Variants in SCAPER observed in about 807,000 individuals in gnomAD.
The protein encoded by SCAPER is S phase cyclin A-associated protein in the endoplasmic reticulum.
SCAPER carries 98 observed loss-of-function variants against 182.2 expected under a neutral mutation model. The observed-to-expected ratio is 0.54, with a 90% CI of 0.46 to 0.64. The LOEUF is 0.64. Among genes scored for constraint, SCAPER ranks in the 30% least tolerant of loss-of-function variants. SCAPER has a pLI of 0.00. For synonymous variants in SCAPER, 605 were observed against 564.6 expected (o/e 1.07, Z -1.01); for missense variants, 1,432 against 1,690.0 (o/e 0.85, Z 2.68).
chr15:76,674,752 C>T (rs1431685790), intron 20 of SCAPER, among the ~76,000 whole-genome samples: 1 of 152,150 alleles, frequency 6.6e-6, no homozygotes, highest in Non-Finnish European at 1.5e-5. Flanking sequence ...TTCTTAAAAT[C>T]ACTGTATTTT....
intron 24 of SCAPER, among the ~76,000 whole-genome samples, chr15:76,498,907 ATT>A (rs2143655727): frequency 6.6e-6 from 1 of 152,288 alleles, no homozygotes; most frequent in South Asian, 2.1e-4. Context: ...GGTAGCATGG[ATT>A]TACTATAGGC....
chr15:76,820,303 G>A lies in SCAPER; in HGVS notation c.394-15670C>T, dbSNP rs572839507. Reference sequence around the variant, plus strand: ...ACACATGCACATGTATGTTTATTGCGGCACTATTCACAATAGCAAAGACTT... The same window carrying A: ...ACACATGCACATGTATGTTTATTGCAGCACTATTCACAATAGCAAAGACTT... On this transcript the variant is annotated intron_variant, in intron 5 of 31. Coordinates refer to ENST00000563290, the MANE Select transcript of SCAPER (RefSeq NM_020843.4). Among the ~76,000 whole-genome samples, 621 of 151,906 alleles carry A rather than the reference G, an allele frequency of 4.1e-3. 2 individuals are homozygous for A. The highest frequency in any genetic ancestry group is 4.9e-3 in the Non-Finnish European group (336 of 67,962).
chr15:76,855,457 C>CAAAAAAAAAAAA (rs34226154), intron 4 of SCAPER, among the ~76,000 whole-genome samples: 2 of 116,326 alleles, frequency 1.7e-5, no homozygotes, highest in African/African-American at 3.7e-5. Context: ...TTCTGCACAG[C>CAAAAAAAAAAAA]AAAAAAAAAA....
At chr15:76,378,992 CT>C (rs1463490584) in intron 28 of SCAPER, among the ~76,000 whole-genome samples, 3 of 152,174 alleles carry the variant, frequency 2.0e-5, no homozygotes, top group Non-Finnish European at 4.4e-5. Flanking sequence ...ACCATTTCCA[CT>C]GTGATAAGCC....
chr15:76,772,622 C>A (rs1568084743), intron 9 of SCAPER, among the ~76,000 whole-genome samples: 1 of 151,898 alleles, frequency 6.6e-6, no homozygotes, highest in East Asian at 1.9e-4. Flanking sequence ...ATTTAGATAT[C>A]TTCCCTATTG....
chr15:76,688,109 C>G (rs1275843555), intron 20 of SCAPER, among the ~76,000 whole-genome samples: 5 of 152,174 alleles, frequency 3.3e-5, no homozygotes, highest in Non-Finnish European at 5.9e-5. Context: ...TCTGTTGTTT[C>G]CTGACTTTAA....
At chr15:76,799,287 A>ATTT (rs11395127) in intron 7 of SCAPER, among the ~76,000 whole-genome samples, 14 of 140,482 alleles carry the variant, frequency 1.0e-4, no homozygotes, top group Non-Finnish European at 1.8e-4. Flanking sequence ...ATCTCCTGGA[A>ATTT]TTTTTTTTTT....
At chr15:76,781,418 G>A (rs2064128363) in intron 8 of SCAPER, among the ~76,000 whole-genome samples, 1 of 152,186 alleles carries the variant, frequency 6.6e-6, no homozygotes, top group South Asian at 2.1e-4. Flanking sequence ...TATGACTGGT[G>A]TACGTGAAAG....
intron 8 of SCAPER, among the ~76,000 whole-genome samples, chr15:76,776,784 T>C (rs936611998): frequency 3.9e-5 from 6 of 152,246 alleles, no homozygotes; most frequent in African/African-American, 1.4e-4. Context: ...GTGATGCAAG[T>C]TGGTTTGATA....
At chr15:76,357,079 C>G (rs1227622535) in intron 29 of SCAPER, among the ~76,000 whole-genome samples, 2 of 151,270 alleles carry the variant, frequency 1.3e-5, no homozygotes, top group Non-Finnish European at 2.9e-5. Flanking sequence ...CTTTGTGACC[C>G]TAGGCAAATT....
chr15:76,509,133 T>C (rs977278245), intron 23 of SCAPER, among the ~76,000 whole-genome samples: 2 of 152,152 alleles, frequency 1.3e-5, no homozygotes, highest in African/African-American at 2.4e-5. Context: ...TTAAAAATCA[T>C]AACCATATTA....
intron 15 of SCAPER, among the ~76,000 whole-genome samples, chr15:76,737,496 T>C (rs1361830567): frequency 2.0e-5 from 3 of 152,262 alleles, no homozygotes; most frequent in African/African-American, 7.2e-5. Context: ...ATAGACAGAA[T>C]AGATTTAGCC....
chr15:76,791,652 TAAAAA>T, intron 8 of SCAPER, among the ~76,000 whole-genome samples: 1 of 140,208 alleles, frequency 7.1e-6, no homozygotes, highest in East Asian at 2.1e-4. Context: ...TGACAACTGC[TAAAAA>T]AAAAAAACTT....
intron 17 of SCAPER, among the ~76,000 whole-genome samples, chr15:76,706,975 T>C (rs1472636691): frequency 6.6e-6 from 1 of 152,088 alleles, no homozygotes. Flanking sequence ...TATTGTTTCA[T>C]TTATGACATA....
intron 21 of SCAPER, among the ~76,000 whole-genome samples, chr15:76,626,249 TC>T (rs1236168525): frequency 6.6e-6 from 1 of 152,126 alleles, no homozygotes; most frequent in East Asian, 1.9e-4. Context: ...TAGTCAACCA[TC>T]CGGAAGCACC....
chr15:76,608,980 G>C (rs2145906859), intron 22 of SCAPER, among the ~76,000 whole-genome samples: 1 of 152,256 alleles, frequency 6.6e-6, no homozygotes, highest in Admixed American at 6.5e-5. Flanking sequence ...CCTGGGTGAG[G>C]CGATGCCTCG....
At chr15:76,468,824 A>G (rs2049899050) in intron 25 of SCAPER, among the ~76,000 whole-genome samples, 1 of 152,156 alleles carries the variant, frequency 6.6e-6, no homozygotes. Context: ...TAATTTGGTC[A>G]TAAGGATGGA....
intron 20 of SCAPER, among the ~76,000 whole-genome samples, chr15:76,672,649 C>A (rs2057106976): frequency 6.6e-6 from 1 of 152,070 alleles, no homozygotes; most frequent in Admixed American, 6.5e-5. Flanking sequence ...AAAAAGGATA[C>A]AATTTTTTAA....
At chr15:76,784,256 G>C (rs2064402185) in intron 8 of SCAPER, among the ~76,000 whole-genome samples, 2 of 152,094 alleles carry the variant, frequency 1.3e-5, no homozygotes, top group Admixed American at 6.5e-5. Context: ...CAAACAGAGA[G>C]CCAAATCATG....
Sources: allele counts gnomAD v4.1 joint callset (sites outside exome capture counted in the v4.1 genomes callset), GRCh38; gene constraint gnomAD v4.1.1; transcripts MANE v1.5; gene names NCBI Gene and HGNC (gene_info 2026-07-23, HGNC 2026-07-21).